Variants in PPP1R12B observed in about 807,000 individuals in gnomAD.
The protein encoded by PPP1R12B is protein phosphatase 1 regulatory subunit 12B.
In PPP1R12B, 76 loss-of-function variants were observed where a neutral mutation model predicts 126.1. That is an observed-to-expected ratio of 0.60 (90% confidence interval 0.50 to 0.73). The LOEUF is 0.73. Ranked by LOEUF, PPP1R12B falls within the 30% of genes least tolerant of loss-of-function variation. PPP1R12B has a pLI of 0.00. For synonymous variants in PPP1R12B, 356 were observed against 434.7 expected (o/e 0.82, Z 2.25); for missense variants, 1,052 against 1,205.1 (o/e 0.87, Z 1.88).
At chr1:202,422,165 A>ATT (rs1330176748) in intron 2 of PPP1R12B, among the ~76,000 whole-genome samples, 1 of 152,214 alleles carries the variant, frequency 6.6e-6, no homozygotes, top group Non-Finnish European at 1.5e-5. Flanking sequence ...GCACAGGAAG[A>ATT]TTTCATGTGG....
At chr1:202,361,493 A>G (rs955487754) in intron 1 of PPP1R12B, among the ~76,000 whole-genome samples, 1 of 152,192 alleles carries the variant, frequency 6.6e-6, no homozygotes, top group Non-Finnish European at 1.5e-5. Context: ...ACTCATTGCC[A>G]TGGAAAGGAC....
At chr1:202,493,358 G>T in intron 15 of PPP1R12B, 41 bp downstream of exon 15, 1 of 1,575,906 alleles carries the variant, frequency 6.3e-7, no homozygotes, top group Non-Finnish European at 8.6e-7. Context: ...CTAAAAGCAG[G>T]GTAATTAGTT....
In PPP1R12B at chr1:202,588,846, G is replaced by GATAGAT. The variant is rs763881364; in HGVS notation, c.*8288_*8293dup. On this transcript the variant is annotated 3_prime_UTR_variant, in exon 24 of 24. Transcript: ENST00000608999. ...CGTAAGATAGATAGATAGATAGATA[G>GATAGAT]ATAGATAGATAGATAGATAGATAGA... is the stretch of plus-strand genomic sequence containing the variant. The GATAGAT allele has an allele frequency of 6.9e-6, 1 of 144,676 alleles. No individual in the cohort carries two copies. Among genetic ancestry groups the GATAGAT allele is most frequent in the African/African-American group, 2.8e-5 (1 of 35,254 alleles). The allele number at this position is 144,676 out of a possible 1,614,324, so 9.0% of individuals were successfully genotyped here. A position where few individuals can be genotyped will look rare whatever the true frequency, so the allele number is the denominator to read the frequency against.
At chr1:202,468,746 GA>G (rs1180838887) in intron 13 of PPP1R12B, among the ~76,000 whole-genome samples, 1 of 152,194 alleles carries the variant, frequency 6.6e-6, no homozygotes, top group Non-Finnish European at 1.5e-5. Flanking sequence ...CTGAGGTCAG[GA>G]GTTCAAGACC....
intron 13 of PPP1R12B, among the ~76,000 whole-genome samples, chr1:202,467,120 T>C (rs552944503): frequency 1.3e-5 from 2 of 152,160 alleles, no homozygotes; most frequent in East Asian, 3.9e-4. Flanking sequence ...TAGTGATCTT[T>C]CTTATATGCA....
intron 1 of PPP1R12B, among the ~76,000 whole-genome samples, chr1:202,399,690 G>A (rs1392459120): frequency 6.6e-6 from 1 of 151,836 alleles, no homozygotes; most frequent in Non-Finnish European, 1.5e-5. Context: ...TAGAGATGGG[G>A]TTTCACCGTG....
chr1:202,399,689 G>A (rs1334029706), intron 1 of PPP1R12B, among the ~76,000 whole-genome samples: 2 of 151,802 alleles, frequency 1.3e-5, no homozygotes, highest in African/African-American at 4.8e-5. Flanking sequence ...GTAGAGATGG[G>A]GTTTCACCGT....
chr1:202,412,275 C>A (rs1201885210), intron 1 of PPP1R12B, among the ~76,000 whole-genome samples: 1 of 151,974 alleles, frequency 6.6e-6, no homozygotes, highest in Non-Finnish European at 1.5e-5. Flanking sequence ...AGAGCAAGAC[C>A]CTGTCTCAAA....
At chr1:202,505,455 A>G (rs2148882524) in intron 18 of PPP1R12B, among the ~76,000 whole-genome samples, 2 of 152,132 alleles carry the variant, frequency 1.3e-5, no homozygotes, top group Middle Eastern at 6.8e-3. Flanking sequence ...CTTTCTCTCG[A>G]GCAGAATTTT....
intron 17 of PPP1R12B, among the ~76,000 whole-genome samples, chr1:202,496,169 G>A (rs1277257290): frequency 1.3e-5 from 2 of 152,062 alleles, no homozygotes; most frequent in African/African-American, 4.8e-5. Context: ...GAGAAAAAGT[G>A]GAACAAATAA....
At chr1:202,516,380 C>T (rs964144558) in intron 18 of PPP1R12B, among the ~76,000 whole-genome samples, 2 of 151,812 alleles carry the variant, frequency 1.3e-5, no homozygotes, top group African/African-American at 4.8e-5. Flanking sequence ...TTATAGCTAC[C>T]AATAGTCCTC....
intron 13 of PPP1R12B, among the ~76,000 whole-genome samples, chr1:202,468,034 G>A (rs1289040371): frequency 1.3e-5 from 2 of 152,180 alleles, no homozygotes; most frequent in African/African-American, 4.8e-5. Flanking sequence ...TTTGAGAAGT[G>A]TCTGTTCATA....
At chr1:202,472,246 A>T (rs1676028398) in intron 13 of PPP1R12B, 1 of 454,392 alleles carries the variant, frequency 2.2e-6, no homozygotes, top group Non-Finnish European at 3.8e-6. Context: ...ATTTTATCAT[A>T]TGAACGTTCT....
At chr1:202,548,808 C>CTCTCTCTCTATA (rs1218548068) in intron 18 of PPP1R12B, among the ~76,000 whole-genome samples, 5 of 72,968 alleles carry the variant, frequency 6.9e-5, no homozygotes, top group African/African-American at 1.4e-4. Context: ...CTCTCTCTCT[C>CTCTCTCTCTATA]TATATATATA....
intron 1 of PPP1R12B, among the ~76,000 whole-genome samples, chr1:202,356,939 A>G (rs1032662173): frequency 1.3e-5 from 2 of 151,258 alleles, no homozygotes; most frequent in Non-Finnish European, 2.9e-5. Context: ...CTCCTGCCTC[A>G]GCCTCCTTAT....
intron 2 of PPP1R12B, 97 bp from the exon 3 acceptor site, chr1:202,422,523 C>G: frequency 1.8e-6 from 2 of 1,119,268 alleles, no homozygotes; most frequent in Non-Finnish European, 1.3e-6. Context: ...ATTTTAAACT[C>G]AAAATAGAGA....
intron 13 of PPP1R12B, among the ~76,000 whole-genome samples, chr1:202,449,985 TGTC>T (rs1416574101): frequency 3.9e-5 from 6 of 152,192 alleles, no homozygotes; most frequent in African/African-American, 9.7e-5. Context: ...CGCTCCCGGC[TGTC>T]GTTATGGATT....
chr1:202,525,741 C>CCAAGA (rs2148925831), intron 18 of PPP1R12B, among the ~76,000 whole-genome samples: 1 of 151,884 alleles, frequency 6.6e-6, no homozygotes, highest in South Asian at 2.1e-4. Context: ...GTTGCCCAGG[C>CCAAGA]TGGAGTGGTG....
chr1:202,356,465 T>A (rs1303799384), intron 1 of PPP1R12B, among the ~76,000 whole-genome samples: 1 of 152,156 alleles, frequency 6.6e-6, no homozygotes, highest in Non-Finnish European at 1.5e-5. Flanking sequence ...CAAAAATGTC[T>A]AAGTCCTAAT....
Sources: gnomAD v4.1 joint callset for allele counts (sites outside exome capture counted in the v4.1 genomes callset) on GRCh38, gnomAD v4.1.1 for gene constraint, MANE v1.5 for transcripts, NCBI Gene and HGNC (gene_info 2026-07-23, HGNC 2026-07-21) for gene names.